The following PRELID2 variants were observed in gnomAD, a reference collection of about 807,000 sequenced individuals.
The protein encoded by PRELID2 is PRELI domain-containing protein 2.
In PRELID2, 25 loss-of-function variants were observed where a neutral mutation model predicts 28.4. That is an observed-to-expected ratio of 0.88 (90% confidence interval 0.64 to 1.23). The LOEUF is 1.23. Among genes scored for constraint, PRELID2 ranks in the 50% most tolerant of loss-of-function variants. PRELID2 has a pLI of 0.00. For synonymous variants in PRELID2, 76 were observed against 71.6 expected (o/e 1.06, Z -0.31); for missense variants, 201 against 214.4 (o/e 0.94, Z 0.39).
chr5:145,304,966 G>C, the PRELID2 span, among the ~76,000 whole-genome samples: 1 of 152,148 alleles, frequency 6.6e-6, no homozygotes, highest in Non-Finnish European at 1.5e-5. Context: ...GAGTAAGAAA[G>C]TACTAATAAT....
At chr5:145,324,576 AAATAAGTCTTGT>A in the PRELID2 span, among the ~76,000 whole-genome samples, 3 of 152,202 alleles carry the variant, frequency 2.0e-5, no homozygotes, top group Admixed American at 2.0e-4. Context: ...AATTCTTGCC[AAATAAGTCTTGT>A]ACTATGTACA....
intron 6 of PRELID2, among the ~76,000 whole-genome samples, chr5:145,761,567 T>A (rs1007459274): frequency 2.0e-5 from 3 of 152,202 alleles, no homozygotes; most frequent in African/African-American, 7.2e-5. Flanking sequence ...CACTCCTTGA[T>A]GTTAATTTAG....
At chr5:145,613,106 CA>C (rs1478773586) in intron 1 of PRELID2, among the ~76,000 whole-genome samples, 2 of 152,110 alleles carry the variant, frequency 1.3e-5, no homozygotes, top group African/African-American at 4.8e-5. Flanking sequence ...CTGAAAGGTA[CA>C]AGTGTCCCCT....
the PRELID2 span, among the ~76,000 whole-genome samples, chr5:145,378,234 C>A: frequency 6.6e-6 from 1 of 152,120 alleles, no homozygotes; most frequent in Non-Finnish European, 1.5e-5. Flanking sequence ...TCTTTCATTT[C>A]AACCTCAGAA....
the PRELID2 span, among the ~76,000 whole-genome samples, chr5:145,336,150 T>C: frequency 1.3e-5 from 2 of 152,322 alleles, no homozygotes; most frequent in African/African-American, 4.8e-5. Flanking sequence ...TTTGTTTGAG[T>C]TCATTGTAGA....
At chr5:145,799,826 G>A (rs1679897410) in intron 4 of PRELID2, among the ~76,000 whole-genome samples, 1 of 152,126 alleles carries the variant, frequency 6.6e-6, no homozygotes, top group Admixed American at 6.6e-5. Flanking sequence ...CAAGTACTCG[G>A]TATAGATTAA....
chr5:145,833,814 G>A (rs1455521946), intron 1 of PRELID2, among the ~76,000 whole-genome samples: 1 of 152,216 alleles, frequency 6.6e-6, no homozygotes, highest in African/African-American at 2.4e-5. Context: ...GCTAACCAAG[G>A]CAAATTGCAA....
intron 1 of PRELID2, among the ~76,000 whole-genome samples, chr5:145,570,662 TC>T (rs1753007899): frequency 6.6e-6 from 1 of 152,140 alleles, no homozygotes; most frequent in Non-Finnish European, 1.5e-5. Flanking sequence ...CCATGTCTCA[TC>T]CCCTCCTCTG....
Position 145,596,099 on chromosome 5 carries a change from C to CAAAA in PRELID2, n.71-122788_71-122785dup, listed in dbSNP as rs552746530. Among the ~76,000 whole-genome samples the CAAAA allele has an allele frequency of 3.1e-3, 136 of 43,948 alleles. 8 individuals are homozygous for CAAAA. Among genetic ancestry groups the CAAAA allele is most frequent in the African/African-American group, 0.013 (130 of 10,388 alleles). 28.8% of individuals were successfully genotyped at this position (43,948 alleles called of 152,430 possible). A position where few individuals can be genotyped will look rare whatever the true frequency, so the allele number is the denominator to read the frequency against. ...TGGGTGACAGAGTGAGAGCCTGTCT[C>CAAAA]AAAAAAAAAAAAAAAAAAAAGTCTG... On this transcript the variant is annotated intron_variant and non_coding_transcript_variant, in intron 1 of 2. Coordinates refer to the PRELID2 transcript ENST00000510259.
the PRELID2 span, among the ~76,000 whole-genome samples, chr5:145,375,747 T>C: frequency 1.3e-5 from 2 of 152,192 alleles, no homozygotes; most frequent in African/African-American, 4.8e-5. Flanking sequence ...GAAAAGGCAC[T>C]CTGGCTGTAA....
At chr5:145,585,526 A>G (rs1753145820) in intron 1 of PRELID2, among the ~76,000 whole-genome samples, 1 of 152,160 alleles carries the variant, frequency 6.6e-6, no homozygotes, top group Admixed American at 6.6e-5. Flanking sequence ...ACATAAGGTA[A>G]TCTATGTAAT....
At chr5:145,802,390 AT>A (rs892081715) in intron 4 of PRELID2, among the ~76,000 whole-genome samples, 11 of 152,220 alleles carry the variant, frequency 7.2e-5, no homozygotes, top group African/African-American at 2.2e-4. Context: ...GGTTGTATCT[AT>A]TTTTTCTTCA....
chr5:145,617,892 C>G (rs1434848675), intron 1 of PRELID2, among the ~76,000 whole-genome samples: 1 of 152,040 alleles, frequency 6.6e-6, no homozygotes, highest in African/African-American at 2.4e-5. Context: ...CACCACCACG[C>G]CCAGCTAATT....
chr5:145,517,488 C>T (rs1752527092), intron 1 of PRELID2, among the ~76,000 whole-genome samples: 1 of 152,044 alleles, frequency 6.6e-6, no homozygotes, highest in South Asian at 2.1e-4. Flanking sequence ...AGTCAGGAAA[C>T]AACAGATTCT....
chr5:145,454,811 C>T, the PRELID2 span, among the ~76,000 whole-genome samples: 361 of 152,222 alleles, frequency 2.4e-3, 2 homozygotes, highest in African/African-American at 8.0e-3. Flanking sequence ...CCTTTGCCCA[C>T]TTTTTGATGG....
chr5:145,781,721 A>C (rs920292111), intron 5 of PRELID2, among the ~76,000 whole-genome samples: 8 of 146,142 alleles, frequency 5.5e-5, no homozygotes, highest in Non-Finnish European at 9.0e-5. Context: ...CACACACACT[A>C]TATATATATA....
At chr5:145,724,929 A>G (rs1756100848) in intron 1 of PRELID2, among the ~76,000 whole-genome samples, 1 of 151,148 alleles carries the variant, frequency 6.6e-6, no homozygotes, top group Non-Finnish European at 1.5e-5. Flanking sequence ...TTTTTGTAGA[A>G]ATGAGGTCTC....
chr5:145,674,254 G>A (rs922836044), intron 1 of PRELID2, among the ~76,000 whole-genome samples: 2 of 152,120 alleles, frequency 1.3e-5, no homozygotes, highest in African/African-American at 2.4e-5. Flanking sequence ...TTGGCATGCT[G>A]TACCCATTAA....
At chr5:145,619,411 G>A (rs1753744180) in intron 1 of PRELID2, among the ~76,000 whole-genome samples, 1 of 152,178 alleles carries the variant, frequency 6.6e-6, no homozygotes, top group South Asian at 2.1e-4. Flanking sequence ...TCACTCGGCT[G>A]TCTAAATTGA....
Sources: gnomAD v4.1 joint callset for allele counts (sites outside exome capture counted in the v4.1 genomes callset) on GRCh38, gnomAD v4.1.1 for gene constraint, MANE v1.5 for transcripts, NCBI Gene and HGNC (gene_info 2026-07-23, HGNC 2026-07-21) for gene names.